FAF1: variants seen among roughly 807,000 people sequenced by gnomAD.
The protein encoded by FAF1 is Fas associated factor 1.
In FAF1, 25 loss-of-function variants were observed where a neutral mutation model predicts 92.5. That is an observed-to-expected ratio of 0.27 (90% CI 0.20 to 0.38). FAF1 has a LOEUF of 0.38. Among genes scored for constraint, FAF1 ranks in the 10% least tolerant of loss-of-function variants. The pLI is 1.00. For missense variants in FAF1, 636 were observed against 793.3 expected, an observed-to-expected ratio of 0.80 and a Z score of 2.38; for synonymous variants, 234 against 273.2, an observed-to-expected ratio of 0.86 and a Z score of 1.42.
chr1:50,718,188 G>A (rs938718106), intron 6 of FAF1, among the ~76,000 whole-genome samples: 1 of 151,830 alleles, frequency 6.6e-6, no homozygotes, highest in Admixed American at 6.6e-5. Context: ...GGATTACCAC[G>A]CTCAGCTAAT....
intron 18 of FAF1, among the ~76,000 whole-genome samples, chr1:50,450,719 A>G (rs1216922776): frequency 3.3e-5 from 5 of 152,228 alleles, no homozygotes; most frequent in African/African-American, 1.2e-4. Flanking sequence ...CAGAGGGGGA[A>G]CTTAGGGGAA....
intron 8 of FAF1, among the ~76,000 whole-genome samples, chr1:50,638,691 G>A (rs1042061358): frequency 3.9e-5 from 6 of 151,940 alleles, no homozygotes; most frequent in South Asian, 2.1e-4. Context: ...TGATCCACCC[G>A]CCTTGGCTTC....
intron 1 of FAF1, among the ~76,000 whole-genome samples, chr1:50,867,662 T>A (rs1242686728): frequency 6.6e-6 from 1 of 152,100 alleles, no homozygotes; most frequent in Non-Finnish European, 1.5e-5. Flanking sequence ...ATGGCCTTAA[T>A]CAAAATCTAA....
intron 1 of FAF1, among the ~76,000 whole-genome samples, chr1:50,944,684 A>C (rs1271539338): frequency 6.6e-6 from 1 of 152,250 alleles, no homozygotes; most frequent in African/African-American, 2.4e-5. Context: ...CTGATGACCT[A>C]GAATAATATC....
At chr1:50,899,562 C>T (rs1422771902) in intron 1 of FAF1, among the ~76,000 whole-genome samples, 1 of 152,212 alleles carries the variant, frequency 6.6e-6, no homozygotes, top group Non-Finnish European at 1.5e-5. Flanking sequence ...AAGCAATTCT[C>T]CTGCCTCAGC....
At chr1:50,616,252 T>C (rs1465805395) in intron 8 of FAF1, among the ~76,000 whole-genome samples, 6 of 152,226 alleles carry the variant, frequency 3.9e-5, no homozygotes, top group African/African-American at 1.4e-4. Flanking sequence ...TTTTGGTTAC[T>C]GTAGCCTTAC....
At chr1:50,453,700 G>C (rs965348400) in intron 18 of FAF1, among the ~76,000 whole-genome samples, 2 of 152,256 alleles carry the variant, frequency 1.3e-5, no homozygotes, top group East Asian at 1.9e-4. Context: ...CCAAACTCCT[G>C]GGCTTAAGCA....
At chr1:50,752,988 T>A (rs1425014057) in intron 4 of FAF1, among the ~76,000 whole-genome samples, 1 of 152,184 alleles carries the variant, frequency 6.6e-6, no homozygotes, top group Non-Finnish European at 1.5e-5. Context: ...CCAACCATCA[T>A]CCTCTTCAAA....
chr1:50,883,442 G>A (rs773718520), intron 1 of FAF1, among the ~76,000 whole-genome samples: 2 of 152,062 alleles, frequency 1.3e-5, no homozygotes, highest in Non-Finnish European at 2.9e-5. Flanking sequence ...TCTGGTATAC[G>A]ATATAAAGTT....
At chr1:50,910,147 A>G (rs975354222) in intron 1 of FAF1, among the ~76,000 whole-genome samples, 3 of 152,068 alleles carry the variant, frequency 2.0e-5, no homozygotes, top group African/African-American at 7.2e-5. Flanking sequence ...CTGGAGGTCC[A>G]CTCCAGACCC....
At chr1:50,652,504 G>A (rs1654911968) in intron 8 of FAF1, among the ~76,000 whole-genome samples, 1 of 152,140 alleles carries the variant, frequency 6.6e-6, no homozygotes, top group South Asian at 2.1e-4. Context: ...AAAAGCAGTT[G>A]GCTTTTCCAA....
intron 6 of FAF1, among the ~76,000 whole-genome samples, chr1:50,706,230 T>C (rs776626164): frequency 5.9e-5 from 9 of 152,224 alleles, no homozygotes; most frequent in Non-Finnish European, 1.2e-4. Flanking sequence ...AATATGCTAC[T>C]AAAATGTATA....
chr1:50,662,754 G>A (rs1221514218), intron 7 of FAF1, among the ~76,000 whole-genome samples: 1 of 142,098 alleles, frequency 7.0e-6, no homozygotes, highest in Non-Finnish European at 1.5e-5. Flanking sequence ...CTGGAGTGCA[G>A]CGGCGGGATC....
chr1:50,719,887 A>G lies in FAF1; in HGVS notation c.552-13996T>C, dbSNP rs188248149. ...ACTGTATAAATGGGTTTGGTACCTC[A>G]CTCCAATTAGATGTGTTGTGATTTC... On this transcript the variant is annotated intron_variant, in intron 6 of 18. Coordinates refer to ENST00000396153, the MANE Select transcript of FAF1 (RefSeq NM_007051.3). Among the ~76,000 whole-genome samples, 653 of 152,180 alleles carry G rather than the reference A, an allele frequency of 4.3e-3. 9 individuals are homozygous for G. The highest frequency in any genetic ancestry group is 4.6e-3 in the Non-Finnish European group (314 of 68,006).
rs1654768504 is a variant in FAF1, at chr1:50,649,765, C to G, written c.744+5677G>C. 2.1e-5 allele frequency among the ~76,000 whole-genome samples: 3 copies of G among 145,452 alleles called. No homozygotes were observed. In the South Asian group the frequency reaches 6.5e-4, roughly 32 times the overall value. On this transcript the variant is annotated intron_variant, in intron 8 of 18. Transcript: ENST00000396153. ...AGACCAGCCTGGCCAACTTATGAAACCGCGTCTCTACTAAAACTACAAAAA... is the reference window on the plus strand; with the variant it reads ...AGACCAGCCTGGCCAACTTATGAAAGCGCGTCTCTACTAAAACTACAAAAA...
intron 8 of FAF1, among the ~76,000 whole-genome samples, chr1:50,612,162 C>G (rs1652714167): frequency 6.6e-6 from 1 of 151,992 alleles, no homozygotes; most frequent in Non-Finnish European, 1.5e-5. Context: ...CTTCATTTTC[C>G]TAACATTTAG....
In FAF1 at chr1:50,508,565, A is replaced by G. The variant is rs986053680; in HGVS notation, c.1495-16764T>C. ...AGACAGAAAGAAAATGAGTGTTGTCAGGGGCTATGTGTAAGTGTGTGGGGA... is the reference window on the plus strand; with the variant it reads ...AGACAGAAAGAAAATGAGTGTTGTCGGGGGCTATGTGTAAGTGTGTGGGGA... On this transcript the variant is annotated intron_variant, in intron 15 of 18. Transcript: ENST00000396153. Among the ~76,000 whole-genome samples, 5 of 152,356 alleles carry G rather than the reference A, an allele frequency of 3.3e-5. No individual in the cohort carries two copies. The South Asian group carries it at 6.2e-4, about 19-fold the overall frequency.
intron 15 of FAF1, among the ~76,000 whole-genome samples, chr1:50,499,363 G>GTT (rs199637214): frequency 0.018 from 2,002 of 110,038 alleles, 17 homozygotes; most frequent in Non-Finnish European, 0.029. Flanking sequence ...TAGCTGTAGG[G>GTT]TTTTTTTTTT....
chr1:50,556,113 C>T (rs1281930648), intron 13 of FAF1, among the ~76,000 whole-genome samples: 1 of 151,724 alleles, frequency 6.6e-6, no homozygotes, highest in Non-Finnish European at 1.5e-5. Context: ...TGGCGGGCGC[C>T]TGTAGTCCCA....
Sources: allele counts gnomAD v4.1 joint callset (sites outside exome capture counted in the v4.1 genomes callset), GRCh38; gene constraint gnomAD v4.1.1; transcripts MANE v1.5; gene names NCBI Gene and HGNC (gene_info 2026-07-23, HGNC 2026-07-21).